The following SLC10A7 variants were observed in gnomAD, a reference collection of about 807,000 sequenced individuals.
The protein encoded by SLC10A7 is solute carrier family 10 member 7.
In SLC10A7, 29 loss-of-function variants were observed where a neutral mutation model predicts 43.2. The ratio of observed to expected loss-of-function variants is 0.67; its 90% CI spans 0.50 to 0.92. The LOEUF is 0.92. Among genes scored for constraint, SLC10A7 ranks in the 40% least tolerant of loss-of-function variants. The probability of loss-of-function intolerance (pLI) is 0.00; values close to 1 mark genes in which losing one functional copy is unlikely to be tolerated. For synonymous variants in SLC10A7, 152 were observed against 144.8 expected (o/e 1.05, Z -0.35); for missense variants, 295 against 403.2 (o/e 0.73, Z 2.30).
chr4:146,298,441 T>G (rs916870935), intron 7 of SLC10A7, among the ~76,000 whole-genome samples: 1 of 152,162 alleles, frequency 6.6e-6, no homozygotes, highest in Non-Finnish European at 1.5e-5. Context: ...AAGACTAATA[T>G]GAAAGGCCCA....
At chr4:146,465,148 CAT>C (rs1292513629) in intron 4 of SLC10A7, among the ~76,000 whole-genome samples, 1 of 152,104 alleles carries the variant, frequency 6.6e-6, no homozygotes, top group Non-Finnish European at 1.5e-5. Flanking sequence ...GTAATTAACA[CAT>C]ATATTCTCTC....
intron 5 of SLC10A7, among the ~76,000 whole-genome samples, chr4:146,404,413 T>G (rs1278651941): frequency 6.6e-6 from 1 of 152,054 alleles, no homozygotes; most frequent in East Asian, 1.9e-4. Context: ...GAAAATATTT[T>G]TATTTGCACT....
At chr4:146,328,392 C>A (rs1733306174) in intron 5 of SLC10A7, among the ~76,000 whole-genome samples, 1 of 152,208 alleles carries the variant, frequency 6.6e-6, no homozygotes, top group African/African-American at 2.4e-5. Flanking sequence ...CCACTCCAGC[C>A]ACCAGTGCCT....
chr4:146,263,772 A>G (rs1348210567), intron 10 of SLC10A7, among the ~76,000 whole-genome samples: 2 of 152,254 alleles, frequency 1.3e-5, no homozygotes, highest in Admixed American at 6.5e-5. Flanking sequence ...ATAAAACATT[A>G]ATCAAAAAAT....
chr4:146,430,475 A>C (rs895832325), intron 5 of SLC10A7, among the ~76,000 whole-genome samples: 1 of 152,196 alleles, frequency 6.6e-6, no homozygotes, highest in African/African-American at 2.4e-5. Flanking sequence ...TATTAACTTA[A>C]ACTTTCAAGT....
intron 10 of SLC10A7, among the ~76,000 whole-genome samples, chr4:146,269,299 G>T: frequency 6.6e-6 from 1 of 152,228 alleles, no homozygotes; most frequent in East Asian, 1.9e-4. Context: ...ACCCTCACCT[G>T]TCTGACAGCA....
chr4:146,513,939 C>CA (rs1737715586), intron 2 of SLC10A7: 1 of 152,096 alleles, frequency 6.6e-6, no homozygotes, highest in Non-Finnish European at 1.5e-5. Flanking sequence ...GTAATAAGGT[C>CA]AAAATCCATT....
At chr4:146,512,472 A>G (rs1579384322) in intron 2 of SLC10A7, among the ~76,000 whole-genome samples, 2 of 152,324 alleles carry the variant, frequency 1.3e-5, no homozygotes, top group Middle Eastern at 3.4e-3. Flanking sequence ...TTCGAGCAAA[A>G]TCTGGAAACA....
chr4:146,318,758 G>C (rs1217774664), intron 6 of SLC10A7, among the ~76,000 whole-genome samples: 1 of 151,954 alleles, frequency 6.6e-6, no homozygotes, highest in African/African-American at 2.4e-5. Flanking sequence ...ATCCTTATGA[G>C]TTCCTTCAAC....
intron 9 of SLC10A7, among the ~76,000 whole-genome samples, chr4:146,287,287 G>T (rs1221772834): frequency 1.3e-5 from 2 of 152,172 alleles, no homozygotes; most frequent in African/African-American, 4.8e-5. Context: ...AAGGTCACAG[G>T]ATATTTGACT....
intron 5 of SLC10A7, among the ~76,000 whole-genome samples, chr4:146,357,247 C>T (rs1259043766): frequency 6.6e-6 from 1 of 152,126 alleles, no homozygotes; most frequent in Non-Finnish European, 1.5e-5. Flanking sequence ...AAGCAGGTAA[C>T]ATTTATTCCT....
At chr4:146,268,071 C>T (rs568494639) in intron 10 of SLC10A7, among the ~76,000 whole-genome samples, 44 of 152,246 alleles carry the variant, frequency 2.9e-4, no homozygotes, top group Admixed American at 1.3e-3. Flanking sequence ...GTCAGCCAAA[C>T]GTGCTGCACA....
At chr4:146,519,104 TATATATATA>T (rs1738334858) in intron 1 of SLC10A7, among the ~76,000 whole-genome samples, 3 of 25,438 alleles carry the variant, frequency 1.2e-4, no homozygotes, top group Non-Finnish European at 1.9e-4. Flanking sequence ...TATATATATA[TATATATATA>T]ATATAATATA....
chr4:146,320,559 G>A (rs898462401), intron 6 of SLC10A7, among the ~76,000 whole-genome samples: 1 of 152,008 alleles, frequency 6.6e-6, no homozygotes, highest in African/African-American at 2.4e-5. Flanking sequence ...TGCAGTTATG[G>A]GCAATAACAA....
intron 4 of SLC10A7, among the ~76,000 whole-genome samples, chr4:146,473,687 G>T (rs1485558046): frequency 6.6e-6 from 1 of 151,722 alleles, no homozygotes. Flanking sequence ...ATTTGGCTAG[G>T]GAAACATTTT....
chr4:146,338,218 G>A (rs1358630507), intron 5 of SLC10A7, among the ~76,000 whole-genome samples: 1 of 151,998 alleles, frequency 6.6e-6, no homozygotes, highest in Non-Finnish European at 1.5e-5. Flanking sequence ...TTTCTGAAAT[G>A]TTTTAAAACC....
chr4:146,521,756 T>C lies in SLC10A7; in HGVS notation c.-39A>G. The C allele has an allele frequency of 6.5e-7, 1 of 1,547,074 alleles. No individual in the cohort carries two copies. The highest frequency in any genetic ancestry group is 1.1e-5 in the South Asian group (1 of 89,588). ...GGTGGGTTTTGTTTATTTGTTTGGC[T>C]TTTTTTCTTTTCAAGCTCCGATCAC... is the stretch of plus-strand genomic sequence containing the variant. On this transcript the variant is annotated 5_prime_UTR_variant, in exon 1 of 12. Coordinates refer to ENST00000335472, the MANE Select transcript of SLC10A7 (RefSeq NM_001029998.6).
At chr4:146,472,235 C>T (rs78029235) in intron 4 of SLC10A7, among the ~76,000 whole-genome samples, 7,069 of 152,110 alleles carry the variant, frequency 0.046, 188 homozygotes, top group Middle Eastern at 0.068. Flanking sequence ...TCAAGTTAAG[C>T]GCCTGTTTAG....
At chr4:146,413,023 T>A (rs1331910096) in intron 5 of SLC10A7, among the ~76,000 whole-genome samples, 1 of 152,146 alleles carries the variant, frequency 6.6e-6, no homozygotes, top group African/African-American at 2.4e-5. Flanking sequence ...TTCAACCAGA[T>A]TGAATTAGAA....
Sources: allele counts gnomAD v4.1 joint callset (sites outside exome capture counted in the v4.1 genomes callset), GRCh38; gene constraint gnomAD v4.1.1; transcripts MANE v1.5; gene names NCBI Gene and HGNC (gene_info 2026-07-23, HGNC 2026-07-21).